RGL1: variants seen among roughly 807,000 people sequenced by gnomAD.
The protein encoded by RGL1 is ral guanine nucleotide dissociation stimulator-like 1.
RGL1 carries 24 observed loss-of-function variants against 95.2 expected under a neutral mutation model. The ratio of observed to expected loss-of-function variants is 0.25; its 90% CI spans 0.18 to 0.35. RGL1 has a LOEUF of 0.35. Ranked by LOEUF, RGL1 falls within the 10% of genes least tolerant of loss-of-function variation. The pLI is 1.00. For missense variants in RGL1, 715 were observed against 936.3 expected (o/e 0.76, Z 3.08); for synonymous variants, 329 against 344.9 (o/e 0.95, Z 0.51).
intron 1 of RGL1, among the ~76,000 whole-genome samples, chr1:183,727,722 A>G (rs1656391590): frequency 1.3e-5 from 2 of 152,220 alleles, no homozygotes; most frequent in African/African-American, 4.8e-5. Flanking sequence ...TGAATCTACC[A>G]AAAACTAGTA....
At chr1:183,648,583 T>G in intron 1 of RGL1, 1 of 1,614,208 alleles carries the variant, frequency 6.2e-7, no homozygotes, top group African/African-American at 1.3e-5. Flanking sequence ...TCATAAAATG[T>G]GAGGTGTTTT....
At chr1:183,750,809 G>C (rs186311499) in intron 2 of RGL1, among the ~76,000 whole-genome samples, 61 of 152,354 alleles carry the variant, frequency 4.0e-4, no homozygotes, top group African/African-American at 1.3e-3. Context: ...CCTTCTAACA[G>C]TCAGGTCCCT....
At chr1:183,892,008 A>G (rs1667452012) in intron 8 of RGL1, 69 bp from the exon 9 acceptor site, 2 of 1,223,548 alleles carry the variant, frequency 1.6e-6, no homozygotes, top group African/African-American at 1.5e-5. Context: ...TCCTGAGGAC[A>G]GCTGGGCCAA....
chr1:183,696,568 A>G (rs956897425), intron 1 of RGL1, among the ~76,000 whole-genome samples: 1 of 152,104 alleles, frequency 6.6e-6, no homozygotes, highest in Non-Finnish European at 1.5e-5. Flanking sequence ...CCTTAACTCC[A>G]TCTATATATT....
intron 1 of RGL1, among the ~76,000 whole-genome samples, chr1:183,669,277 C>T (rs1399888691): frequency 6.6e-6 from 1 of 152,188 alleles, no homozygotes; most frequent in Non-Finnish European, 1.5e-5. Context: ...CATGTCCAGT[C>T]TACTAATGGG....
intron 14 of RGL1, among the ~76,000 whole-genome samples, chr1:183,908,707 T>A (rs1384149650): frequency 2.0e-5 from 3 of 152,180 alleles, no homozygotes; most frequent in Non-Finnish European, 4.4e-5. Flanking sequence ...CAGGGGATCC[T>A]GGGTGTCCAC....
At chr1:183,849,029 A>G (rs957759330) in intron 3 of RGL1, among the ~76,000 whole-genome samples, 3 of 152,138 alleles carry the variant, frequency 2.0e-5, no homozygotes, top group East Asian at 1.9e-4. Flanking sequence ...ATACTTACCT[A>G]TGATACAGAT....
chr1:183,749,036 C>G (rs1277700589), intron 2 of RGL1, among the ~76,000 whole-genome samples: 7 of 152,232 alleles, frequency 4.6e-5, no homozygotes, highest in African/African-American at 1.4e-4. Flanking sequence ...TGTTTTACTT[C>G]CAATTATGTC....
At position 183,733,563 on chromosome 1, in the gene RGL1, C is replaced by A. The variant is rs1656758309; in HGVS notation, c.-32-8563C>A. On this transcript the variant is annotated intron_variant, in intron 1 of 18. Coordinates refer to the RGL1 transcript ENST00000304685. ...AACTAAGGCACATAGCTTCTGCCCT[C>A]TCCCCTGCTGGATGAGTATTGGACC... 3.3e-5 allele frequency among the ~76,000 whole-genome samples: 5 copies of A among 152,198 alleles called. No homozygotes were observed. The South Asian group carries it at 1.0e-3, about 31-fold the overall frequency.
intron 2 of RGL1, among the ~76,000 whole-genome samples, chr1:183,833,818 G>A (rs971942832): frequency 4.6e-5 from 7 of 152,160 alleles, no homozygotes; most frequent in Admixed American, 3.3e-4. Flanking sequence ...AGCTATGGCT[G>A]AGGACTCTAT....
At chr1:183,914,955 C>T (rs991899130) in intron 15 of RGL1, among the ~76,000 whole-genome samples, 3 of 152,132 alleles carry the variant, frequency 2.0e-5, no homozygotes, top group Admixed American at 2.0e-4. Flanking sequence ...AGTTAGTCCT[C>T]AAATTGAGCC....
At chr1:183,852,069 C>T (rs1329268529) in intron 3 of RGL1, among the ~76,000 whole-genome samples, 1 of 152,128 alleles carries the variant, frequency 6.6e-6, no homozygotes, top group African/African-American at 2.4e-5. Context: ...GACGCTATTA[C>T]AGCATGTGCT....
intron 2 of RGL1, among the ~76,000 whole-genome samples, chr1:183,840,518 T>C (rs185289001): frequency 6.6e-6 from 1 of 152,156 alleles, no homozygotes; most frequent in Non-Finnish European, 1.5e-5. Context: ...AATGCTTGTT[T>C]CTCTGCCTGC....
At position 183,892,144 on chromosome 1, in the gene RGL1, C is replaced by G; in HGVS notation, c.1123C>G (p.Arg375Gly). ...AGACCATAATAACCATTTGACCAGC[C>G]GAGAACTACTGATGAAGGTGAGGCT... ...FSDHNNHLTSRELLMKEGTSK... is the reference protein window; with the variant it reads ...FSDHNNHLTSGELLMKEGTSK... Residue 375 changes from arginine to glycine, a missense_variant, in exon 9 of 18, where the codon CGA (arginine) becomes GGA (glycine). By Grantham distance (125) the Arg-to-Gly change is moderately radical. Coordinates refer to ENST00000360851, the MANE Select transcript of RGL1 (RefSeq NM_001297671.3). 1 of 1,611,674 alleles carries G rather than the reference C, an allele frequency of 6.2e-7. No homozygotes were observed. The highest frequency in any genetic ancestry group is 8.5e-7 in the Non-Finnish European group (1 of 1,178,364).
chr1:183,679,677 T>C lies in RGL1; in HGVS notation c.-33+43176T>C, dbSNP rs147183190. On this transcript the variant is annotated intron_variant, in intron 1 of 18. Transcript: ENST00000304685. ...TGTGAACAGTGCTGCAATAAACATA[T>C]GTGTGCATGTGTCTTTACAGTAGAA... Among the ~76,000 whole-genome samples the C allele has an allele frequency of 7.2e-4, 109 of 152,290 alleles. 1 individual carries two copies. In the East Asian group the frequency reaches 0.02, roughly 28 times the overall value.
chr1:183,909,299 T>C (rs929459901), intron 14 of RGL1, among the ~76,000 whole-genome samples: 5 of 152,116 alleles, frequency 3.3e-5, no homozygotes, highest in African/African-American at 1.2e-4. Flanking sequence ...TCCAAAGAGG[T>C]TGGAGAAAAC....
At chr1:183,836,632 C>T (rs16861592) in intron 2 of RGL1, among the ~76,000 whole-genome samples, 2,003 of 152,160 alleles carry the variant, frequency 0.013, 36 homozygotes, top group African/African-American at 0.044. Flanking sequence ...GAACTTTGCC[C>T]TAGGTTTGAT....
chr1:183,773,003 A>G (rs1045981010), intron 2 of RGL1, among the ~76,000 whole-genome samples: 1 of 135,910 alleles, frequency 7.4e-6, no homozygotes, highest in Admixed American at 7.6e-5. Flanking sequence ...GCGACAGAGC[A>G]AGACTCCGTC....
chr1:183,742,498 A>G (rs1041448599), intron 2 of RGL1, among the ~76,000 whole-genome samples: 6 of 152,184 alleles, frequency 3.9e-5, no homozygotes, highest in African/African-American at 1.4e-4. Context: ...AGGAGGCTGC[A>G]CTGAAAGCCA....
Sources: allele counts gnomAD v4.1 joint callset (sites outside exome capture counted in the v4.1 genomes callset), GRCh38; gene constraint gnomAD v4.1.1; transcripts MANE v1.5; gene names NCBI Gene and HGNC (gene_info 2026-07-23, HGNC 2026-07-21).